Variants in KCNIP4 observed in about 807,000 individuals in gnomAD.
KCNIP4 encodes Kv channel-interacting protein 4.
Under a neutral mutation model 34.0 loss-of-function variants are expected in KCNIP4, and 12 were observed. The ratio of observed to expected loss-of-function variants is 0.35; its 90% CI spans 0.23 to 0.57. The LOEUF (loss-of-function observed/expected upper bound fraction) is 0.57, where lower values mean the gene tolerates loss of function less well. Ranked by LOEUF, KCNIP4 falls within the 20% of genes least tolerant of loss-of-function variation. The pLI is 0.83. For missense variants in KCNIP4, 238 were observed against 311.7 expected, an observed-to-expected ratio of 0.76 and a Z score of 1.78; for synonymous variants, 124 against 102.2, an observed-to-expected ratio of 1.21 and a Z score of -1.29.
chr4:20,977,034 T>C (rs1735558741), intron 1 of KCNIP4, among the ~76,000 whole-genome samples: 1 of 152,112 alleles, frequency 6.6e-6, no homozygotes, highest in Admixed American at 6.6e-5. Context: ...AGTTTCTCCA[T>C]GTTGGTCAGG....
At chr4:21,214,027 T>C (rs1356525221) in intron 1 of KCNIP4, among the ~76,000 whole-genome samples, 1 of 152,216 alleles carries the variant, frequency 6.6e-6, no homozygotes, top group Non-Finnish European at 1.5e-5. Context: ...GTGCAATTGA[T>C]ATATCCTCTT....
intron 2 of KCNIP4, among the ~76,000 whole-genome samples, chr4:20,875,840 C>G (rs1303489685): frequency 6.6e-6 from 1 of 152,136 alleles, no homozygotes; most frequent in African/African-American, 2.4e-5. Context: ...TCTCTGCCAA[C>G]AGAGCATCTA....
intron 1 of KCNIP4, among the ~76,000 whole-genome samples, chr4:21,682,179 C>T (rs1750415955): frequency 6.6e-6 from 1 of 152,142 alleles, no homozygotes; most frequent in African/African-American, 2.4e-5. Context: ...CTGCGTGAGC[C>T]ACCACGCCCA....
chr4:21,894,726 C>T (rs186577807), intron 1 of KCNIP4, among the ~76,000 whole-genome samples: 1 of 151,348 alleles, frequency 6.6e-6, no homozygotes, highest in East Asian at 1.9e-4. Flanking sequence ...TTTGACATTG[C>T]TAAGGTATGA....
intron 1 of KCNIP4, among the ~76,000 whole-genome samples, chr4:21,603,664 C>T (rs1743396610): frequency 6.6e-6 from 1 of 151,572 alleles, no homozygotes. Flanking sequence ...ATGAATCTTC[C>T]AATCTTAAGA....
Position 20,738,160 on chromosome 4 carries a change from A to G in KCNIP4, c.430-3425T>C, listed in dbSNP as rs544722456. Among the ~76,000 whole-genome samples, 6 of 152,206 alleles carry G rather than the reference A, an allele frequency of 3.9e-5. 1 individual carries two copies. In the South Asian group the frequency reaches 1.2e-3, roughly 32 times the overall value. On this transcript the variant is annotated intron_variant, in intron 5 of 8. Transcript: ENST00000382152. ...AAAAAAAAAAATCCTTAGCTTTTTC[A>G]GAAGGCATAAAATATACATTGCAGA...
At chr4:20,937,116 A>C (rs941427785) in intron 1 of KCNIP4, among the ~76,000 whole-genome samples, 3 of 150,768 alleles carry the variant, frequency 2.0e-5, no homozygotes, top group African/African-American at 7.3e-5. Flanking sequence ...ACACCTGCCT[A>C]GAGTGTTTGA....
intron 3 of KCNIP4, among the ~76,000 whole-genome samples, chr4:20,809,690 G>A (rs183227845): frequency 6.6e-6 from 1 of 152,182 alleles, no homozygotes; most frequent in African/African-American, 2.4e-5. Flanking sequence ...TCCTATTATA[G>A]GGGTATTTGA....
chr4:21,702,100 A>G (rs1712901510), intron 1 of KCNIP4, among the ~76,000 whole-genome samples: 1 of 152,190 alleles, frequency 6.6e-6, no homozygotes, highest in South Asian at 2.1e-4. Flanking sequence ...TGCTACAACA[A>G]AATACCATAG....
intron 1 of KCNIP4, among the ~76,000 whole-genome samples, chr4:21,479,065 C>T (rs1434334901): frequency 2.6e-5 from 4 of 152,090 alleles, no homozygotes; most frequent in Non-Finnish European, 5.9e-5. Context: ...TTTAAGGTCT[C>T]TTATTATTTC....
chr4:21,856,471 G>A (rs1015314662), intron 1 of KCNIP4, among the ~76,000 whole-genome samples: 1 of 152,176 alleles, frequency 6.6e-6, no homozygotes, highest in Non-Finnish European at 1.5e-5. Context: ...GGCCGGGGCT[G>A]CCACCATGGA....
At chr4:21,396,897 A>T (rs985394801) in intron 1 of KCNIP4, among the ~76,000 whole-genome samples, 2 of 152,234 alleles carry the variant, frequency 1.3e-5, no homozygotes, top group Non-Finnish European at 1.5e-5. Flanking sequence ...CAGTGAAATG[A>T]ATTCAAATTT....
intron 1 of KCNIP4, among the ~76,000 whole-genome samples, chr4:21,908,595 A>G (rs774024458): frequency 6.6e-6 from 1 of 152,196 alleles, no homozygotes; most frequent in Non-Finnish European, 1.5e-5. Flanking sequence ...GCAGAAAGAT[A>G]AACACAGTGA....
intron 3 of KCNIP4, among the ~76,000 whole-genome samples, chr4:20,778,913 T>C (rs751641919): frequency 2.0e-5 from 3 of 152,156 alleles, no homozygotes; most frequent in Non-Finnish European, 2.9e-5. Flanking sequence ...TGAGTATGTC[T>C]TCTAATGCAT....
chr4:21,274,681 C>G (rs1360635948), intron 1 of KCNIP4, among the ~76,000 whole-genome samples: 3 of 152,116 alleles, frequency 2.0e-5, no homozygotes, highest in Non-Finnish European at 4.4e-5. Context: ...CATCTATTCT[C>G]TTAAAGTACA....
chr4:20,867,279 A>G (rs1166198156), intron 2 of KCNIP4, among the ~76,000 whole-genome samples: 1 of 151,764 alleles, frequency 6.6e-6, no homozygotes, highest in African/African-American at 2.4e-5. Context: ...AAACTCTACT[A>G]TAAAGCCACA....
At chr4:21,653,872 T>TGACA (rs771818983) in intron 1 of KCNIP4, among the ~76,000 whole-genome samples, 106 of 152,334 alleles carry the variant, frequency 7.0e-4, no homozygotes, top group Admixed American at 1.4e-3. Flanking sequence ...TTGTGCTTGA[T>TGACA]GCTGTTATTT....
intron 1 of KCNIP4, among the ~76,000 whole-genome samples, chr4:20,968,502 C>T (rs1734605914): frequency 6.6e-6 from 1 of 152,044 alleles, no homozygotes; most frequent in South Asian, 2.1e-4. Context: ...GCACTATTCA[C>T]AATAGCAAAG....
intron 1 of KCNIP4, among the ~76,000 whole-genome samples, chr4:21,053,879 A>C (rs1298410461): frequency 4.6e-5 from 7 of 152,218 alleles, no homozygotes; most frequent in African/African-American, 1.4e-4. Context: ...ATAAGTGGAG[A>C]GCTATCCCAT....
Sources: gnomAD v4.1 joint callset for allele counts (sites outside exome capture counted in the v4.1 genomes callset) on GRCh38, gnomAD v4.1.1 for gene constraint, MANE v1.5 for transcripts, NCBI Gene and HGNC (gene_info 2026-07-23, HGNC 2026-07-21) for gene names.